Variants in DYNC2H1 observed in about 807,000 individuals in gnomAD.
DYNC2H1 encodes the protein dynein cytoplasmic 2 heavy chain 1, also known as cytoplasmic dynein 2 heavy chain 1.
Under a neutral mutation model 570.0 loss-of-function variants are expected in DYNC2H1, and 410 were observed. The ratio of observed to expected loss-of-function variants is 0.72; its 90% CI spans 0.66 to 0.78. DYNC2H1 has a LOEUF of 0.78. Ranked by LOEUF, DYNC2H1 falls within the 30% of genes least tolerant of loss-of-function variation. The pLI is 0.00. For missense variants in DYNC2H1, 4,865 were observed against 5,046.4 expected (o/e 0.96, Z 1.09); for synonymous variants, 1,688 against 1,677.6 (o/e 1.01, Z -0.15).
chr11:103,233,964 C>A, intron 60 of DYNC2H1, 70 bp from the exon 61 acceptor site: 3 of 1,374,574 alleles, frequency 2.2e-6, no homozygotes, highest in Non-Finnish European at 1.9e-6. Context: ...TACTTTATTA[C>A]CTATGGATAA....
At chr11:103,473,678 T>C (rs1945462714) in intron 88 of DYNC2H1, among the ~76,000 whole-genome samples, 1 of 152,192 alleles carries the variant, frequency 6.6e-6, no homozygotes, top group African/African-American at 2.4e-5. Context: ...CATAGTATGA[T>C]TTGGTCAACA....
intron 84 of DYNC2H1, among the ~76,000 whole-genome samples, chr11:103,419,427 G>A (rs1591723148): frequency 1.3e-5 from 2 of 152,226 alleles, no homozygotes; most frequent in East Asian, 3.9e-4. Flanking sequence ...GCTTCCAGAG[G>A]AAGGAGCAGG....
intron 73 of DYNC2H1, among the ~76,000 whole-genome samples, chr11:103,283,973 A>G (rs557548551): frequency 3.1e-4 from 47 of 152,014 alleles, no homozygotes; most frequent in African/African-American, 1.1e-3. Flanking sequence ...AGGCTCTTGA[A>G]CCTTCTTCTA....
intron 87 of DYNC2H1, among the ~76,000 whole-genome samples, chr11:103,458,094 C>A (rs1167788268): frequency 1.3e-5 from 2 of 152,172 alleles, no homozygotes; most frequent in Non-Finnish European, 2.9e-5. Context: ...TCACATCATT[C>A]ACCACTTATT....
At position 103,221,843 on chromosome 11, in the gene DYNC2H1, G is replaced by A. The variant is rs657938; in HGVS notation, c.9108-187G>A. Among the ~76,000 whole-genome samples the A allele has an allele frequency of 0.93, 141,939 of 152,222 alleles. 66,207 individuals are homozygous for A. Among genetic ancestry groups the A allele is most frequent in the African/African-American group, 0.94 (39,115 of 41,544 alleles). ...AGCACTCCTGCCTGGGTGACAGAGC[G>A]AGACTCTGTCTCAAATCAAACAAAC... is the stretch of plus-strand genomic sequence containing the variant. On this transcript the variant is annotated intron_variant, in intron 57 of 88. Transcript: ENST00000375735.
Position 103,113,680 on chromosome 11 carries a change from G to C in DYNC2H1, c.339G>C (p.Arg113=). The C allele has an allele frequency of 6.5e-7, 1 of 1,548,978 alleles. No homozygotes were observed. Among genetic ancestry groups the C allele is most frequent in the Non-Finnish European group, 8.6e-7 (1 of 1,156,892 alleles). ...SPISSLYQAV[R]QVFAPMLLKD... is the part of the protein sequence containing the mutation. ...TTAGTTCTCTTTACCAAGCAGTACGGCAAGTATTCGCACCAATGTTGTTAA... is the reference window on the plus strand; with the variant it reads ...TTAGTTCTCTTTACCAAGCAGTACGCCAAGTATTCGCACCAATGTTGTTAA... The change falls in exon 2 of 89, where the codon CGG becomes CGC. Residue 113 remains arginine (R), a synonymous_variant. Transcript: ENST00000375735.
Position 103,189,742 on chromosome 11 carries a change from A to C in DYNC2H1, c.7363A>C (p.Lys2455Gln). Residue 2455 changes from lysine to glutamine, a missense_variant, in exon 45 of 89, where the codon AAG becomes CAG. Physicochemically the swap from Lys to Gln is moderately conservative, Grantham distance 53. Coordinates refer to ENST00000375735, the MANE Select transcript of DYNC2H1 (RefSeq NM_001377.3). The surrounding 1 kb of genome is among the most constrained non-coding windows in gnomAD (Gnocchi z 4.3). ...GGAACCAGTTCTACATAAAAATCTG[A>C]AGAATCATTCTATTTGGGGTTCTTC... is the stretch of plus-strand genomic sequence containing the variant. ...YLEPVLHKNL[K>Q]NHSIWGSSSK... The C allele has an allele frequency of 6.2e-7, 1 of 1,612,944 alleles. No homozygotes were observed. The highest frequency in any genetic ancestry group is 8.5e-7 in the Non-Finnish European group (1 of 1,179,420).
At chr11:103,463,001 T>C (rs1945071068) in intron 87 of DYNC2H1, among the ~76,000 whole-genome samples, 1 of 152,190 alleles carries the variant, frequency 6.6e-6, no homozygotes, top group Non-Finnish European at 1.5e-5. Flanking sequence ...ATCAGTATAA[T>C]ATTTTATGGT....
At chr11:103,215,468 G>A (rs1863341209) in intron 54 of DYNC2H1, among the ~76,000 whole-genome samples, 1 of 152,082 alleles carries the variant, frequency 6.6e-6, no homozygotes, top group Non-Finnish European at 1.5e-5. Context: ...TTGCACATGT[G>A]GAACCATTCT....
intron 84 of DYNC2H1, chr11:103,405,635 A>C (rs940079319): frequency 6.6e-6 from 1 of 152,016 alleles, no homozygotes; most frequent in African/African-American, 2.4e-5. Flanking sequence ...ATGACCATAA[A>C]GAAGATTAAT....
chr11:103,121,014 A>G lies in DYNC2H1; in HGVS notation c.1338A>G (p.Ala446=). 1.3e-6 allele frequency: 2 copies of G among 1,582,818 alleles called. No homozygotes were observed. The highest frequency in any genetic ancestry group is 2.4e-5 in the South Asian group (2 of 84,292). ...TGTTAGAAAGAGAAACTTTACTGGCAAGACTTGTGGACTCAATTAAAGGTA... is the reference window on the plus strand; with the variant it reads ...TGTTAGAAAGAGAAACTTTACTGGCGAGACTTGTGGACTCAATTAAAGGTA... The part of the protein sequence containing the change: ...ELMLERETLL[A]RLVDSIKDFR... The change falls in exon 9 of 89, where the codon GCA becomes GCG. Residue 446 remains alanine (A), a synonymous_variant. Coordinates refer to ENST00000375735, the MANE Select transcript of DYNC2H1 (RefSeq NM_001377.3).
chr11:103,251,216 A>G (rs985942861), intron 65 of DYNC2H1, among the ~76,000 whole-genome samples: 2 of 151,980 alleles, frequency 1.3e-5, no homozygotes, highest in African/African-American at 2.4e-5. Flanking sequence ...AGATGCATAC[A>G]TTTTTGGAAA....
chr11:103,229,354 T>C (rs1863919974), intron 59 of DYNC2H1, among the ~76,000 whole-genome samples: 1 of 152,242 alleles, frequency 6.6e-6, no homozygotes. Context: ...AGCTGCAAGC[T>C]AGTCCTGCTT....
chr11:103,150,030 A>G (rs888413561), intron 20 of DYNC2H1, among the ~76,000 whole-genome samples: 2 of 152,222 alleles, frequency 1.3e-5, no homozygotes, highest in South Asian at 2.1e-4. Context: ...GGAGCTTGGT[A>G]TGCTTAAGGA....
chr11:103,259,955 A>G lies in DYNC2H1; in HGVS notation c.10673A>G (p.Tyr3558Cys). 1 of 1,517,666 alleles carries G rather than the reference A, an allele frequency of 6.6e-7. No homozygotes were observed. Among genetic ancestry groups the G allele is most frequent in the Non-Finnish European group, 8.9e-7 (1 of 1,129,862 alleles). The allele number at this position is 1,517,666 out of a possible 1,614,324, so 94.0% of individuals were successfully genotyped here. A position where few individuals can be genotyped will look rare whatever the true frequency, so the allele number is the denominator to read the frequency against. Residue 3558 changes from tyrosine to cysteine, a missense_variant, in exon 70 of 89, where the codon TAT (tyrosine) becomes TGT (cysteine). Around this residue, in one of 5 missense-constraint regions of DYNC2H1, gnomAD observed 2,401 missense variants for 2,454.6 expected, o/e 0.98. Transcript: ENST00000375735. ...TCATTACAACATATGGTATATGAAT[A>G]TATATGTCGTTGTCTATTTAAGGTA... Reference protein sequence around the residue: ...ISSLQHMVYEYICRCLFKADQ... With the variant: ...ISSLQHMVYECICRCLFKADQ...
intron 83 of DYNC2H1, among the ~76,000 whole-genome samples, chr11:103,392,328 G>T (rs552769215): frequency 6.6e-6 from 1 of 152,206 alleles, no homozygotes; most frequent in Non-Finnish European, 1.5e-5. Context: ...CTGGTGTGCC[G>T]TTTGCTAAGA....
chr11:103,325,103 T>C lies in DYNC2H1; in HGVS notation c.12039+1113T>C, dbSNP rs149568581. On this transcript the variant is annotated intron_variant, in intron 82 of 88. Coordinates refer to ENST00000375735, the MANE Select transcript of DYNC2H1 (RefSeq NM_001377.3). The surrounding 1 kb of genome is among the most constrained non-coding windows in gnomAD (Gnocchi z 4.8). ...ATTTCTTTAAGTTCCTTATAGATTC[T>C]GGACATTGGACCTTTGTTGAGTACT... Among the ~76,000 whole-genome samples the C allele has an allele frequency of 5.4e-3, 821 of 152,376 alleles. 6 individuals are homozygous for C. The highest frequency in any genetic ancestry group is 0.019 in the African/African-American group (783 of 41,592).
chr11:103,229,595 T>C (rs1455514381), intron 59 of DYNC2H1, among the ~76,000 whole-genome samples: 1 of 152,186 alleles, frequency 6.6e-6, no homozygotes, highest in Non-Finnish European at 1.5e-5. Context: ...AACATCTTCA[T>C]TGATCTGTGT....
At chr11:103,424,083 C>T (rs923069864) in intron 84 of DYNC2H1, among the ~76,000 whole-genome samples, 3 of 151,968 alleles carry the variant, frequency 2.0e-5, no homozygotes, top group Admixed American at 6.6e-5. Flanking sequence ...AATGGAAAAC[C>T]ATCCTTTGTT....
Sources: gnomAD v4.1 joint callset for allele counts (sites outside exome capture counted in the v4.1 genomes callset) on GRCh38, gnomAD v4.1.1 for gene constraint, gnomAD v4.1.1 regional missense constraint, Gnocchi (gnomAD v3.1) non-coding constraint, MANE v1.5 for transcripts, NCBI Gene and HGNC (gene_info 2026-07-23, HGNC 2026-07-21) for gene names.